HSD17B12: variants seen among roughly 807,000 people sequenced by gnomAD.
HSD17B12 encodes the protein very-long-chain 3-oxoacyl-CoA reductase.
HSD17B12 carries 32 observed loss-of-function variants against 39.3 expected under a neutral mutation model. That is an observed-to-expected ratio of 0.81 (90% confidence interval 0.61 to 1.09). HSD17B12 has a LOEUF of 1.09. Among genes scored for constraint, HSD17B12 ranks in the 50% least tolerant of loss-of-function variants. The pLI, the probability that HSD17B12 is intolerant of heterozygous loss-of-function variation, is 0.00. For missense variants in HSD17B12, 342 were observed against 382.9 expected (o/e 0.89, Z 0.89); for synonymous variants, 150 against 146.7 (o/e 1.02, Z -0.16).
chr11:43,572,686 C>A, the HSD17B12 span, among the ~76,000 whole-genome samples: 1 of 152,118 alleles, frequency 6.6e-6, no homozygotes, highest in African/African-American at 2.4e-5. Context: ...CATAATGACA[C>A]CTAGAGAATT....
intron 3 of HSD17B12, among the ~76,000 whole-genome samples, chr11:43,783,913 T>C (rs1222634030): frequency 1.3e-5 from 2 of 152,212 alleles, no homozygotes; most frequent in Non-Finnish European, 2.9e-5. Flanking sequence ...AAAATAACTA[T>C]ATATTCTGAA....
chr11:43,839,955 G>A (rs1343045393), intron 8 of HSD17B12, 44 bp from the exon 9 acceptor site: 4 of 1,418,118 alleles, frequency 2.8e-6, no homozygotes, highest in Non-Finnish European at 4.0e-6. Flanking sequence ...CAGGCAGATT[G>A]ATGTAATGTG....
the HSD17B12 span, among the ~76,000 whole-genome samples, chr11:43,670,005 G>A: frequency 1.3e-5 from 2 of 152,230 alleles, no homozygotes; most frequent in South Asian, 2.1e-4. Context: ...CCTTAAGGGA[G>A]GGAGGGAAGC....
chr11:43,564,898 C>CTTTTT, the HSD17B12 span, among the ~76,000 whole-genome samples: 2 of 140,590 alleles, frequency 1.4e-5, no homozygotes, highest in Non-Finnish European at 3.1e-5. Context: ...CTTTCTTCTT[C>CTTTTT]TTTTTTTTTT....
chr11:43,595,364 A>G, the HSD17B12 span, among the ~76,000 whole-genome samples: 2 of 152,258 alleles, frequency 1.3e-5, no homozygotes, highest in African/African-American at 2.4e-5. Flanking sequence ...TTTGAAAACA[A>G]TAGTTGAATT....
At chr11:43,607,507 ACACT>A in the HSD17B12 span, among the ~76,000 whole-genome samples, 1 of 152,208 alleles carries the variant, frequency 6.6e-6, no homozygotes, top group Admixed American at 6.5e-5. Flanking sequence ...TCTTTAGCAG[ACACT>A]CACTATTTTA....
At chr11:43,562,367 T>A in the HSD17B12 span, among the ~76,000 whole-genome samples, 1 of 152,256 alleles carries the variant, frequency 6.6e-6, no homozygotes, top group African/African-American at 2.4e-5. Flanking sequence ...ATTCAAATCT[T>A]TCTTAGCTCT....
At chr11:43,852,133 T>C (rs897691823) in intron 9 of HSD17B12, 1 of 152,318 alleles carries the variant, frequency 6.6e-6, no homozygotes, top group African/African-American at 2.4e-5. Context: ...ATAACCCAAC[T>C]TGGAATTCCT....
chr11:43,573,420 A>G, the HSD17B12 span, among the ~76,000 whole-genome samples: 12 of 152,120 alleles, frequency 7.9e-5, no homozygotes, highest in South Asian at 2.1e-4. Context: ...TGATTACTGG[A>G]GCAAGACAGA....
At chr11:43,707,788 T>C (rs533736321) in intron 1 of HSD17B12, among the ~76,000 whole-genome samples, 11 of 152,348 alleles carry the variant, frequency 7.2e-5, no homozygotes, top group Admixed American at 1.3e-4. Context: ...CTTGTTACTT[T>C]ACAAAAATTA....
intron 1 of HSD17B12, among the ~76,000 whole-genome samples, chr11:43,714,024 C>A (rs1161861135): frequency 1.3e-5 from 2 of 152,126 alleles, no homozygotes; most frequent in Non-Finnish European, 2.9e-5. Context: ...TGGACATTAG[C>A]CCTTTGTCAG....
At chr11:43,698,309 T>G (rs1318253700) in intron 1 of HSD17B12, among the ~76,000 whole-genome samples, 1 of 152,226 alleles carries the variant, frequency 6.6e-6, no homozygotes, top group Non-Finnish European at 1.5e-5. Context: ...GCAGTCTTAC[T>G]GTAGATTCGC....
At chr11:43,665,489 G>A in the HSD17B12 span, among the ~76,000 whole-genome samples, 2 of 152,062 alleles carry the variant, frequency 1.3e-5, no homozygotes, top group Non-Finnish European at 2.9e-5. Context: ...AAAGTGATGG[G>A]GTTACAGGAG....
intron 1 of HSD17B12, among the ~76,000 whole-genome samples, chr11:43,712,185 T>C (rs574398214): frequency 6.6e-6 from 1 of 152,172 alleles, no homozygotes; most frequent in South Asian, 2.1e-4. Flanking sequence ...TCCCAGGACT[T>C]TGGGAGGCGG....
At chr11:43,819,329 A>G (rs1490093251) in intron 6 of HSD17B12, among the ~76,000 whole-genome samples, 1 of 152,112 alleles carries the variant, frequency 6.6e-6, no homozygotes, top group Non-Finnish European at 1.5e-5. Context: ...TCTGCAGAAA[A>G]CTAATGATAG....
the HSD17B12 span, among the ~76,000 whole-genome samples, chr11:43,563,613 G>C: frequency 4.6e-5 from 7 of 152,174 alleles, no homozygotes; most frequent in Non-Finnish European, 7.3e-5. Context: ...CCAGGAGTTC[G>C]AGACCAGCCT....
At chr11:43,669,147 AGT>A in the HSD17B12 span, among the ~76,000 whole-genome samples, 3 of 152,022 alleles carry the variant, frequency 2.0e-5, no homozygotes, top group South Asian at 6.2e-4. Flanking sequence ...AAACTACCCA[AGT>A]GTGTGTCTTA....
chr11:43,793,816 T>G (rs538148513), intron 3 of HSD17B12, among the ~76,000 whole-genome samples: 1 of 152,200 alleles, frequency 6.6e-6, no homozygotes, highest in Admixed American at 6.5e-5. Context: ...CTCTTGCAGG[T>G]GATGGAATGG....
chr11:43,686,938 G>C (rs1949806008), intron 1 of HSD17B12, among the ~76,000 whole-genome samples: 1 of 152,196 alleles, frequency 6.6e-6, no homozygotes, highest in Admixed American at 6.5e-5. Context: ...GCAACTGAGA[G>C]TGTTGAGCTT....
Sources: allele counts gnomAD v4.1 joint callset (sites outside exome capture counted in the v4.1 genomes callset), GRCh38; gene constraint gnomAD v4.1.1; transcripts MANE v1.5; gene names NCBI Gene and HGNC (gene_info 2026-07-23, HGNC 2026-07-21).